The following KANK1 variants were observed in gnomAD, a reference collection of about 807,000 sequenced individuals.
The protein encoded by KANK1 is KN motif and ankyrin repeat domains 1, also known as KN motif and ankyrin repeat domain-containing protein 1.
A neutral mutation model predicts 106.2 loss-of-function variants in KANK1; 109 were observed. That is an observed-to-expected ratio of 1.03 (90% CI 0.88 to 1.20). The LOEUF (loss-of-function observed/expected upper bound fraction) is 1.20, where lower values mean the gene tolerates loss of function less well. KANK1 is among the 50% of genes most tolerant of loss of function. KANK1 has a pLI of 0.00. For synonymous variants in KANK1, 873 were observed against 652.2 expected (o/e 1.34, Z -5.16); for missense variants, 2,399 against 1,710.7 (o/e 1.40, Z -7.10).
chr9:559,263 T>C (rs1459349322), intron 1 of KANK1, among the ~76,000 whole-genome samples: 1 of 152,196 alleles, frequency 6.6e-6, no homozygotes, highest in African/African-American at 2.4e-5. Context: ...TTGCAGAGGT[T>C]TTTGCAGAGA....
At chr9:635,831 T>C (rs1452243360) in intron 1 of KANK1, among the ~76,000 whole-genome samples, 1 of 150,808 alleles carries the variant, frequency 6.6e-6, no homozygotes, top group Non-Finnish European at 1.5e-5. Context: ...CCCGAGTAGC[T>C]GGCGGTACAG....
intron 2 of KANK1, among the ~76,000 whole-genome samples, chr9:691,869 A>G (rs1475397920): frequency 6.7e-6 from 1 of 149,546 alleles, no homozygotes; most frequent in African/African-American, 2.5e-5. Flanking sequence ...CTCCTTCCTC[A>G]GCTTGCCAAA....
At chr9:494,665 C>G (rs2058432200) in intron 3 of KANK1, among the ~76,000 whole-genome samples, 1 of 152,204 alleles carries the variant, frequency 6.6e-6, no homozygotes, top group Non-Finnish European at 1.5e-5. Flanking sequence ...CTTTTGCCAA[C>G]AACCATGTGA....
chr9:596,371 T>C (rs1178943307), intron 1 of KANK1, among the ~76,000 whole-genome samples: 1 of 151,680 alleles, frequency 6.6e-6, no homozygotes, highest in African/African-American at 2.4e-5. Flanking sequence ...GAACTTCTTT[T>C]AATGTACATC....
At chr9:662,819 G>A (rs960563809) in intron 1 of KANK1, among the ~76,000 whole-genome samples, 9 of 152,092 alleles carry the variant, frequency 5.9e-5, no homozygotes, top group East Asian at 1.9e-4. Flanking sequence ...CCGCCACCAC[G>A]CCTGGCTAAT....
At chr9:545,715 G>T (rs1217963976) in intron 1 of KANK1, among the ~76,000 whole-genome samples, 1 of 139,768 alleles carries the variant, frequency 7.2e-6, no homozygotes, top group East Asian at 2.2e-4. Flanking sequence ...CTGTTGGCCT[G>T]TACAGAGCCT....
At chr9:651,148 G>A (rs917088128) in intron 1 of KANK1, among the ~76,000 whole-genome samples, 7 of 152,154 alleles carry the variant, frequency 4.6e-5, no homozygotes, top group Admixed American at 1.3e-4. Context: ...AAAGCATAGC[G>A]ACTAAGAATT....
At chr9:722,346 T>A (rs1042732815) in intron 3 of KANK1, among the ~76,000 whole-genome samples, 1 of 152,154 alleles carries the variant, frequency 6.6e-6, no homozygotes. Context: ...TCTGTCTGTC[T>A]GCCTCTCTTG....
intron 1 of KANK1, among the ~76,000 whole-genome samples, chr9:595,801 C>T (rs1290567529): frequency 6.6e-6 from 1 of 151,916 alleles, no homozygotes; most frequent in Non-Finnish European, 1.5e-5. Context: ...GGATTATAGG[C>T]ATGAGCCACT....
At chr9:540,723 A>G (rs560917049) in intron 1 of KANK1, 2 of 152,142 alleles carry the variant, frequency 1.3e-5, no homozygotes, top group South Asian at 2.1e-4. Flanking sequence ...CAGATTTTCT[A>G]TTTCTGTATT....
intron 1 of KANK1, among the ~76,000 whole-genome samples, chr9:648,687 C>T (rs1241438627): frequency 6.6e-6 from 1 of 152,144 alleles, no homozygotes; most frequent in Non-Finnish European, 1.5e-5. Context: ...AAGGGGAGCT[C>T]ACGTCTTTGA....
At chr9:581,673 C>T (rs965805918) in intron 1 of KANK1, among the ~76,000 whole-genome samples, 1 of 152,146 alleles carries the variant, frequency 6.6e-6, no homozygotes, top group African/African-American at 2.4e-5. Flanking sequence ...GAAAGATTCA[C>T]CTCGATTATT....
At chr9:500,044 T>A (rs544684183), upstream of KANK1, among the ~76,000 whole-genome samples, 1 of 152,324 alleles carries the variant, frequency 6.6e-6, no homozygotes, top group African/African-American at 2.4e-5. Flanking sequence ...AGAGAACATC[T>A]TTTGCATGGG....
chr9:668,839 C>CT (rs1845260164), intron 1 of KANK1, among the ~76,000 whole-genome samples: 2 of 152,062 alleles, frequency 1.3e-5, no homozygotes, highest in African/African-American at 4.8e-5. Context: ...TACCTCAGAT[C>CT]ATCAGGCATT....
At chr9:734,894 T>G in intron 7 of KANK1, 59 bp downstream of exon 7, 1 of 1,251,522 alleles carries the variant, frequency 8.0e-7, no homozygotes, top group Non-Finnish European at 1.2e-6. Flanking sequence ...GTGGGTTCAT[T>G]GTCAAGGCCA....
At chr9:524,938 T>G (rs2059715318) in intron 1 of KANK1, among the ~76,000 whole-genome samples, 1 of 151,334 alleles carries the variant, frequency 6.6e-6, no homozygotes, top group Non-Finnish European at 1.5e-5. Flanking sequence ...TACTATTGTC[T>G]ATTGCTTTAT....
chr9:565,367 T>C (rs573148631), intron 1 of KANK1, among the ~76,000 whole-genome samples: 2 of 152,302 alleles, frequency 1.3e-5, no homozygotes, highest in South Asian at 4.1e-4. Flanking sequence ...CAGACAGTAG[T>C]TTAAGGATGT....
intron 3 of KANK1, among the ~76,000 whole-genome samples, chr9:474,755 G>T (rs2058076754): frequency 6.6e-6 from 1 of 152,188 alleles, no homozygotes; most frequent in Admixed American, 6.5e-5. Context: ...GGAGATCAGA[G>T]GATGAGAAAA....
chr9:509,488 A>G lies in KANK1; in HGVS notation c.-84+4734A>G, dbSNP rs1587357083. Among the ~76,000 whole-genome samples, 4 of 152,312 alleles carry G rather than the reference A, an allele frequency of 2.6e-5. No homozygotes were observed. The South Asian group carries it at 8.3e-4, about 32-fold the overall frequency. On this transcript the variant is annotated intron_variant, in intron 1 of 11. Transcript: ENST00000382297. ...CTGTTCATGTTTTTATGAAGTCACA[A>G]TTCTAATATTCAATTTTGTATTTTG...
Sources: allele counts gnomAD v4.1 joint callset (sites outside exome capture counted in the v4.1 genomes callset), GRCh38; gene constraint gnomAD v4.1.1; transcripts MANE v1.5; gene names NCBI Gene and HGNC (gene_info 2026-07-23, HGNC 2026-07-21).